The following ARHGAP42 variants were observed in gnomAD, a reference collection of about 807,000 sequenced individuals.
ARHGAP42 encodes rho GTPase-activating protein 42.
A neutral mutation model predicts 125.0 loss-of-function variants in ARHGAP42; 63 were observed. That is an observed-to-expected ratio of 0.50 (90% CI 0.41 to 0.62). The LOEUF (loss-of-function observed/expected upper bound fraction) is 0.62. ARHGAP42 is among the 20% of genes least tolerant of loss of function. The pLI is 0.00. For synonymous variants in ARHGAP42, 339 were observed against 351.0 expected, an observed-to-expected ratio of 0.97 and a Z score of 0.38; for missense variants, 766 against 1,024.2, an observed-to-expected ratio of 0.75 and a Z score of 3.44.
chr11:100,928,772 ACCC>A (rs150677429), intron 6 of ARHGAP42, among the ~76,000 whole-genome samples: 14,490 of 152,022 alleles, frequency 0.095, 926 homozygotes, highest in Non-Finnish European at 0.13. Context: ...TTCCCAGTAT[ACCC>A]CACAACCATT....
At chr11:100,904,535 C>T (rs534116185) in intron 4 of ARHGAP42, among the ~76,000 whole-genome samples, 1 of 152,316 alleles carries the variant, frequency 6.6e-6, no homozygotes, top group Admixed American at 6.5e-5. Flanking sequence ...GCATGAGCCA[C>T]CATGCCCGGA....
chr11:100,859,319 CACA>C (rs1405781374), intron 3 of ARHGAP42: 10 of 385,374 alleles, frequency 2.6e-5, no homozygotes, highest in African/African-American at 1.1e-4. Flanking sequence ...AAGATTTCAC[CACA>C]ACAAGTACTT....
intron 3 of ARHGAP42, among the ~76,000 whole-genome samples, chr11:100,838,487 G>A (rs183344867): frequency 2.6e-5 from 4 of 152,022 alleles, no homozygotes; most frequent in East Asian, 1.9e-4. Flanking sequence ...CAGGAGAATC[G>A]GATGAGCCCA....
intron 3 of ARHGAP42, chr11:100,839,546 A>G (rs1212961808): frequency 6.6e-6 from 1 of 152,236 alleles, no homozygotes; most frequent in Admixed American, 6.5e-5. Flanking sequence ...ACCATTGCCC[A>G]AGGGCAGAGT....
At chr11:100,688,017 A>G in intron 1 of ARHGAP42, 185 bp downstream of exon 1, 5 of 572,036 alleles carry the variant, frequency 8.7e-6, no homozygotes, top group Non-Finnish European at 1.2e-5. Flanking sequence ...ACTTACTCAC[A>G]TGTCTACAGG....
intron 4 of ARHGAP42, among the ~76,000 whole-genome samples, chr11:100,890,139 G>T (rs1412177956): frequency 1.3e-5 from 2 of 152,196 alleles, no homozygotes; most frequent in African/African-American, 4.8e-5. Flanking sequence ...CAGCCATTTT[G>T]AGGAATCTGT....
intron 2 of ARHGAP42, among the ~76,000 whole-genome samples, chr11:100,790,452 A>G (rs1401745791): frequency 6.6e-6 from 1 of 152,220 alleles, no homozygotes. Context: ...TAAAATTTAT[A>G]TATGAAACTA....
intron 4 of ARHGAP42, among the ~76,000 whole-genome samples, chr11:100,863,059 AACACAC>A (rs3063447): frequency 0.63 from 86,877 of 137,274 alleles, 26,984 homozygotes; most frequent in East Asian, 0.74. Context: ...AAAAACACAA[AACACAC>A]ACACACACAC....
chr11:100,830,011 A>G (rs1429315247), intron 3 of ARHGAP42, among the ~76,000 whole-genome samples: 2 of 152,210 alleles, frequency 1.3e-5, no homozygotes, highest in Non-Finnish European at 2.9e-5. Context: ...TCTTTCAAAT[A>G]TGTGTTCTGT....
chr11:100,722,515 C>T (rs992521974), intron 1 of ARHGAP42, among the ~76,000 whole-genome samples: 10 of 151,762 alleles, frequency 6.6e-5, no homozygotes, highest in South Asian at 2.1e-4. Flanking sequence ...CTCAGCCTCC[C>T]GAGTAGCTGG....
intron 5 of ARHGAP42, among the ~76,000 whole-genome samples, chr11:100,914,078 G>T (rs1399838803): frequency 6.6e-6 from 1 of 152,056 alleles, no homozygotes; most frequent in Non-Finnish European, 1.5e-5. Flanking sequence ...GAGATTACAG[G>T]CATGTGCCAC....
At chr11:100,693,665 A>T (rs1861229915) in intron 1 of ARHGAP42, among the ~76,000 whole-genome samples, 1 of 152,194 alleles carries the variant, frequency 6.6e-6, no homozygotes, top group African/African-American at 2.4e-5. Flanking sequence ...TGCTGTCAGA[A>T]CAAAAAACAG....
intron 3 of ARHGAP42, among the ~76,000 whole-genome samples, chr11:100,803,505 A>C (rs186536292): frequency 7.5e-4 from 114 of 152,244 alleles, no homozygotes; most frequent in Non-Finnish European, 4.9e-4. Flanking sequence ...ATGTCCTCCT[A>C]GGGAGACATT....
At chr11:100,905,579 A>G (rs929330456) in intron 4 of ARHGAP42, among the ~76,000 whole-genome samples, 8 of 151,936 alleles carry the variant, frequency 5.3e-5, no homozygotes, top group African/African-American at 1.9e-4. Flanking sequence ...ATCAGATTCT[A>G]TGATTACTTT....
chr11:100,831,637 C>T (rs1165016200), intron 3 of ARHGAP42, among the ~76,000 whole-genome samples: 2 of 152,134 alleles, frequency 1.3e-5, no homozygotes, highest in African/African-American at 2.4e-5. Flanking sequence ...TTTTGCTGCT[C>T]TTGCTGGGGG....
At chr11:100,820,913 C>CTTTT (rs199943651) in intron 3 of ARHGAP42, among the ~76,000 whole-genome samples, 2 of 141,442 alleles carry the variant, frequency 1.4e-5, no homozygotes, top group East Asian at 4.0e-4. Flanking sequence ...TAAGATAAAA[C>CTTTT]TTTTTTTTTT....
chr11:100,943,891 TA>T, intron 10 of ARHGAP42, 23 bp downstream of exon 10: 1 of 1,428,920 alleles, frequency 7.0e-7, no homozygotes, highest in Non-Finnish European at 9.6e-7. Context: ...CTTTTCACTT[TA>T]TTTTTTTCAT....
chr11:100,790,832 T>C (rs982550738), intron 2 of ARHGAP42, among the ~76,000 whole-genome samples: 1 of 152,244 alleles, frequency 6.6e-6, no homozygotes, highest in South Asian at 2.1e-4. Flanking sequence ...GACCAGCTGT[T>C]GTGTTACATG....
intron 4 of ARHGAP42, among the ~76,000 whole-genome samples, chr11:100,898,152 T>C (rs576992575): frequency 4.6e-5 from 7 of 152,318 alleles, no homozygotes; most frequent in Middle Eastern, 3.4e-3. Flanking sequence ...TTTACTGGTT[T>C]TTGTATGTTG....
Sources: allele counts gnomAD v4.1 joint callset (sites outside exome capture counted in the v4.1 genomes callset), GRCh38; gene constraint gnomAD v4.1.1; transcripts MANE v1.5; gene names NCBI Gene and HGNC (gene_info 2026-07-23, HGNC 2026-07-21).